SAMD9: variants seen among roughly 807,000 people sequenced by gnomAD.
SAMD9 encodes sterile alpha motif domain containing 9, also known as sterile alpha motif domain-containing protein 9.
SAMD9 carries 3 observed loss-of-function variants against 1.5 expected under a neutral mutation model. That is an observed-to-expected ratio of 2.05 (90% CI 0.93 to 5.29). SAMD9 has a LOEUF of 5.29. SAMD9 is among the 30% of genes most tolerant of loss of function. The probability of loss-of-function intolerance (pLI) is 0.02; values close to 1 mark genes in which losing one functional copy is unlikely to be tolerated. For synonymous variants in SAMD9, 635 were observed against 631.9 expected (o/e 1.00, Z -0.07); for missense variants, 1,597 against 1,820.8 (o/e 0.88, Z 2.24).
intron 2 of SAMD9, among the ~76,000 whole-genome samples, chr7:93,106,555 A>C (rs1488510006): frequency 3.3e-5 from 5 of 152,266 alleles, no homozygotes; most frequent in African/African-American, 1.2e-4. Flanking sequence ...CATGATAGAC[A>C]TAGATAAAGT....
intron 2 of SAMD9, among the ~76,000 whole-genome samples, chr7:93,114,287 C>G (rs1791797281): frequency 1.9e-5 from 2 of 105,530 alleles, no homozygotes; most frequent in Admixed American, 1.5e-4. Context: ...ACATCACACA[C>G]TGGGGCCTGT....
At chr7:93,108,751 G>C (rs1023188498) in intron 2 of SAMD9, among the ~76,000 whole-genome samples, 14 of 152,216 alleles carry the variant, frequency 9.2e-5, no homozygotes, top group Non-Finnish European at 1.8e-4. Flanking sequence ...CAAGCCTGGG[G>C]GAGGGGCGTC....
At chr7:93,108,150 G>A (rs772985020) in intron 2 of SAMD9, among the ~76,000 whole-genome samples, 3 of 152,172 alleles carry the variant, frequency 2.0e-5, no homozygotes, top group East Asian at 1.9e-4. Context: ...GTGCCTTGCC[G>A]TGCCTCGCCA....
At chr7:93,111,121 G>T (rs1468393273) in intron 2 of SAMD9, among the ~76,000 whole-genome samples, 1 of 152,122 alleles carries the variant, frequency 6.6e-6, no homozygotes. Context: ...AGACCACAGT[G>T]CAATCAAACT....
rs1373825838 is a variant in SAMD9, at chr7:93,105,271, T to G, written c.827A>C (p.Gln276Pro). 1.2e-6 allele frequency: 2 copies of G among 1,613,990 alleles called. No individual in the cohort carries two copies. The highest frequency in any genetic ancestry group is 3.3e-5 in the Admixed American group (2 of 60,012). ...LMINKYFEDHQVQQAKKCIRE... is the reference protein window; with the variant it reads ...LMINKYFEDHPVQQAKKCIRE... Reference sequence around the variant, plus strand: ...AATGCACTTCTTTGCTTGTTGGACTTGATGGTCTTCAAAATACTTGTTTAT... The same window carrying G: ...AATGCACTTCTTTGCTTGTTGGACTGGATGGTCTTCAAAATACTTGTTTAT... Residue 276 changes from glutamine to proline, a missense_variant, in exon 3 of 3, where the codon CAA (glutamine) becomes CCA (proline). Coordinates refer to ENST00000379958, the MANE Select transcript of SAMD9 (RefSeq NM_017654.4).
At chr7:93,116,918 TA>T (rs1374473945) in intron 1 of SAMD9, among the ~76,000 whole-genome samples, 2 of 152,236 alleles carry the variant, frequency 1.3e-5, no homozygotes, top group South Asian at 4.1e-4. Flanking sequence ...TAGGGTTTGT[TA>T]ACTTTTCTAG....
At chr7:93,110,990 C>T (rs905820774) in intron 2 of SAMD9, among the ~76,000 whole-genome samples, 2 of 152,230 alleles carry the variant, frequency 1.3e-5, no homozygotes, top group African/African-American at 4.8e-5. Context: ...CATCCCAAAT[C>T]AACAGAATAT....
intron 2 of SAMD9, among the ~76,000 whole-genome samples, chr7:93,111,848 G>C (rs936837440): frequency 4.6e-5 from 7 of 152,182 alleles, no homozygotes; most frequent in African/African-American, 1.7e-4. Context: ...TCCAGGACCA[G>C]ATGGATTCAC....
intron 1 of SAMD9, among the ~76,000 whole-genome samples, chr7:93,115,700 A>T (rs1791822144): frequency 6.6e-6 from 1 of 152,240 alleles, no homozygotes; most frequent in East Asian, 1.9e-4. Context: ...AAAATACATT[A>T]GAAAATAAAA....
rs754732825 is a variant in SAMD9 at position 93,104,375 on chromosome 7, A to G, written c.1723T>C (p.Cys575Arg). ...AATATGTGTGGGTGCACACAAATAC[A>G]CAGTATATTTTCCATTCCTTTGAGA... ...QDLKGMENIL[C>R]ICVHPHIFQG... Residue 575 changes from cysteine (C) to arginine (R), a missense_variant, in exon 3 of 3, where the codon TGT (cysteine) becomes CGT (arginine). Cys to Arg is a radical substitution (Grantham distance 180, BLOSUM62 -3). Transcript: ENST00000379958. 1.9e-6 allele frequency: 3 copies of G among 1,613,904 alleles called. No homozygotes were observed. The South Asian group carries it at 3.3e-5, about 18-fold the overall frequency.
In SAMD9 at chr7:93,101,723, C is replaced by CT; in HGVS notation, c.4374dup (p.Ala1459SerfsTer11). 6.2e-7 allele frequency: 1 copy of CT among 1,613,750 alleles called. No homozygotes were observed. On this transcript the variant is annotated frameshift_variant, in exon 3 of 3. Coordinates refer to ENST00000379958, the MANE Select transcript of SAMD9 (RefSeq NM_017654.4). LOFTEE classifies it low-confidence loss of function (END_TRUNC). Reference sequence around the variant, plus strand: ...TGCCCCTTGAAAGAATTTTTTAGTGCTTGAGCATACTCTTTCATTTGTTCA... The same window carrying CT: ...TGCCCCTTGAAAGAATTTTTTAGTGCTTTGAGCATACTCTTTCATTTGTTCA...
Position 93,102,351 on chromosome 7 carries a change from G to A in SAMD9, c.3747C>T (p.Ala1249=), listed in dbSNP as rs2116413871. Residue 1249 remains alanine, a synonymous_variant, in exon 3 of 3, where the codon GCC becomes GCT. Coordinates refer to ENST00000379958, the MANE Select transcript of SAMD9 (RefSeq NM_017654.4). ...PGDPNNEYKL[A]LKNYIPYLTK... ...TTAAATAAGGAATATAGTTTTTGAG[G>A]GCTAATTTATATTCATTGTTTGGAT... 6.2e-7 allele frequency: 1 copy of A among 1,607,524 alleles called. No individual in the cohort carries two copies.
In SAMD9 at chr7:93,104,865, T is replaced by C. The variant is rs768598932; in HGVS notation, c.1233A>G (p.Glu411=). The C allele has an allele frequency of 6.2e-7, 1 of 1,613,568 alleles. No homozygotes were observed. Among genetic ancestry groups the C allele is most frequent in the South Asian group, 1.1e-5 (1 of 90,996 alleles). ...NQDLLDNSYY[E]QYILVTNKCH... ...ATTTATTTGTTACAAGAATGTACTG[T>C]TCATAGTATGAATTATCTAACAAAT... The change falls in exon 3 of 3, where the codon GAA becomes GAG. Residue 411 remains glutamate, a synonymous_variant. Coordinates refer to ENST00000379958, the MANE Select transcript of SAMD9 (RefSeq NM_017654.4).
rs371979243 is a variant in SAMD9 at position 93,116,067 on chromosome 7, C to T, written c.-109-1172G>A. 9.2e-5 allele frequency among the ~76,000 whole-genome samples: 14 copies of T among 152,202 alleles called. No homozygotes were observed. In the East Asian group the frequency reaches 2.3e-3, roughly 25 times the overall value. ...GGGTCCCCGATTATTGTGCTGCTAG[C>T]GTGCGCTGGCTCCTGAGGCCTCATA... On this transcript the variant is annotated intron_variant, in intron 1 of 2. Transcript: ENST00000379958.
At chr7:93,112,509 T>C (rs1791762859) in intron 2 of SAMD9, among the ~76,000 whole-genome samples, 1 of 152,176 alleles carries the variant, frequency 6.6e-6, no homozygotes, top group East Asian at 1.9e-4. Flanking sequence ...AAAGAGGAAG[T>C]CAAATTGTCC....
chr7:93,116,546 T>C (rs967625569), intron 1 of SAMD9, among the ~76,000 whole-genome samples: 2 of 152,222 alleles, frequency 1.3e-5, no homozygotes, highest in Non-Finnish European at 1.5e-5. Context: ...ATGATGTCAC[T>C]CTTGGAGAAA....
chr7:93,104,547 T>C lies in SAMD9; in HGVS notation c.1551A>G (p.Arg517=). 1 of 1,614,068 alleles carries C rather than the reference T, an allele frequency of 6.2e-7. No individual in the cohort carries two copies. The highest frequency in any genetic ancestry group is 8.5e-7 in the Non-Finnish European group (1 of 1,179,926). ...PFDPSSWQRE[R]ASDVRKLISF... Reference sequence around the variant, plus strand: ...AAATCAGTTTCCTGACATCAGAAGCTCTTTCTCTTTGCCAGGAACTTGGAT... The same window carrying C: ...AAATCAGTTTCCTGACATCAGAAGCCCTTTCTCTTTGCCAGGAACTTGGAT... The change falls in exon 3 of 3, where the codon AGA becomes AGG. Residue 517 remains arginine (R), a synonymous_variant. Coordinates refer to ENST00000379958, the MANE Select transcript of SAMD9 (RefSeq NM_017654.4).
At chr7:93,110,219 T>C (rs1791716941) in intron 2 of SAMD9, among the ~76,000 whole-genome samples, 1 of 152,102 alleles carries the variant, frequency 6.6e-6, no homozygotes, top group African/African-American at 2.4e-5. Context: ...GCTTCATAAG[T>C]GAAGGAGAAA....
chr7:93,104,944 T>C lies in SAMD9; in HGVS notation c.1154A>G (p.Asn385Ser). ...CTTTGGTCCCTCTCTTTCTTTTTTA[T>C]TTGTTTTTGCTCTGAATTTTTCTTC... ...AAEEKFRAKT[N>S]KKEREGPKLV... Residue 385 changes from asparagine to serine, a missense_variant, in exon 3 of 3, where the codon AAT (asparagine) becomes AGT (serine). Asn to Ser is a conservative substitution (Grantham distance 46). This residue lies in a region of SAMD9 where 498 missense variants were observed against 457.4 expected (regional missense o/e 1.09). Transcript: ENST00000379958. 2 of 1,611,006 alleles carry C rather than the reference T, an allele frequency of 1.2e-6. No individual in the cohort carries two copies. The highest frequency in any genetic ancestry group is 1.7e-6 in the Non-Finnish European group (2 of 1,179,112).
Sources: allele counts gnomAD v4.1 joint callset (sites outside exome capture counted in the v4.1 genomes callset), GRCh38; gene constraint gnomAD v4.1.1; regional missense constraint gnomAD v4.1.1; transcripts MANE v1.5; gene names NCBI Gene and HGNC (gene_info 2026-07-23, HGNC 2026-07-21).